Variants in AGO2 observed in about 807,000 individuals in gnomAD.
The protein encoded by AGO2 is protein argonaute-2.
In AGO2, 5 loss-of-function variants were observed where a neutral mutation model predicts 102.3. The ratio of observed to expected loss-of-function variants is 0.05; its 90% CI spans 0.03 to 0.10. The LOEUF is 0.10. Among genes scored for constraint, AGO2 ranks in the 10% least tolerant of loss-of-function variants. The pLI, the probability that AGO2 is intolerant of heterozygous loss-of-function variation, is 1.00. For missense variants in AGO2, 541 were observed against 1,183.7 expected (o/e 0.46, Z 7.97); for synonymous variants, 449 against 473.1 (o/e 0.95, Z 0.66).
At chr8:140,631,536 CAAAAAAAAAA>C (rs778104531) in intron 1 of AGO2, among the ~76,000 whole-genome samples, 1 of 76,344 alleles carries the variant, frequency 1.3e-5, no homozygotes, top group Non-Finnish European at 2.7e-5. Context: ...GACTCCGTCT[CAAAAAAAAAA>C]AAAAGAAAAA....
intron 1 of AGO2, among the ~76,000 whole-genome samples, chr8:140,604,690 G>A (rs544172741): frequency 2.6e-5 from 4 of 152,312 alleles, no homozygotes; most frequent in South Asian, 2.1e-4. Flanking sequence ...AGCCGGGCGT[G>A]GTGGCGGGTG....
intron 14 of AGO2, among the ~76,000 whole-genome samples, chr8:140,542,715 G>A (rs960409292): frequency 2.0e-5 from 3 of 152,242 alleles, no homozygotes; most frequent in Admixed American, 6.5e-5. Flanking sequence ...GCTGTGCTGC[G>A]GGCTTTCCCC....
intron 13 of AGO2, among the ~76,000 whole-genome samples, chr8:140,546,464 C>A (rs1024571613): frequency 6.6e-6 from 1 of 152,236 alleles, no homozygotes; most frequent in Non-Finnish European, 1.5e-5. Context: ...ACTGTGGTGG[C>A]CAAGCACAGG....
At chr8:140,563,309 C>T (rs2073232391) in intron 3 of AGO2, among the ~76,000 whole-genome samples, 1 of 152,204 alleles carries the variant, frequency 6.6e-6, no homozygotes, top group African/African-American at 2.4e-5. Flanking sequence ...TGGCTCACTT[C>T]GACCTTGACC....
At chr8:140,605,094 A>G (rs1359329962) in intron 1 of AGO2, among the ~76,000 whole-genome samples, 2 of 152,184 alleles carry the variant, frequency 1.3e-5, no homozygotes, top group Non-Finnish European at 2.9e-5. Context: ...AAAAAAATAC[A>G]AGTTTTTTTT....
In AGO2 at chr8:140,589,543, G is replaced by A. The variant is rs936903366; in HGVS notation, c.23-4232C>T. Among the ~76,000 whole-genome samples, 6 of 152,192 alleles carry A rather than the reference G, an allele frequency of 3.9e-5. No homozygotes were observed. Among genetic ancestry groups the A allele is most frequent in the African/African-American group, 1.4e-4 (6 of 41,446 alleles). ...TGCCACCCAAATGACATGCAAAGCTGTTTCCAGAGCTCCAAAGTGAGTCAT... is the reference window on the plus strand; with the variant it reads ...TGCCACCCAAATGACATGCAAAGCTATTTCCAGAGCTCCAAAGTGAGTCAT... On this transcript the variant is annotated intron_variant, in intron 1 of 18. Transcript: ENST00000220592. The surrounding 1 kb of genome is among the most constrained non-coding windows in gnomAD (Gnocchi z 4.2).
rs1285433075 is a variant in AGO2 at position 140,547,643 on chromosome 8, G to A, written c.1589-16C>T. 1.2e-6 allele frequency: 2 copies of A among 1,604,382 alleles called. No homozygotes were observed. Among genetic ancestry groups the A allele is most frequent in the Non-Finnish European group, 1.7e-6 (2 of 1,174,380 alleles). ...TTGACCTCGGCTAAGGGACATGAGA[G>A]GCACACACAGCTCTGCCGGCGCCCC... On this transcript the variant is annotated splice_polypyrimidine_tract_variant and intron_variant, in intron 12 of 18. Coordinates refer to ENST00000220592, the MANE Select transcript of AGO2 (RefSeq NM_012154.5).
rs1183889499 is a variant in AGO2, at chr8:140,552,683, C to G, written c.1270-1247G>C. Among the ~76,000 whole-genome samples the G allele has an allele frequency of 5.3e-5, 8 of 152,114 alleles. No individual in the cohort carries two copies. In the East Asian group the frequency reaches 1.5e-3, roughly 29 times the overall value. On this transcript the variant is annotated intron_variant, in intron 10 of 18. Transcript: ENST00000220592. ...GCTCCAGACAGGGAGTGCACACACA[C>G]ACACACACGCATGCACTCACATGCA...
At chr8:140,537,218 TTA>T (rs2132868008) in intron 16 of AGO2, among the ~76,000 whole-genome samples, 1 of 152,244 alleles carries the variant, frequency 6.6e-6, no homozygotes, top group South Asian at 2.1e-4. Context: ...GGTAGAACTT[TTA>T]TAACCCTTCC....
chr8:140,576,935 C>T (rs1447158986), intron 2 of AGO2, among the ~76,000 whole-genome samples: 5 of 152,138 alleles, frequency 3.3e-5, no homozygotes, highest in African/African-American at 4.8e-5. Flanking sequence ...GGGCCAGGCG[C>T]GATGGCTCAC....
intron 1 of AGO2, among the ~76,000 whole-genome samples, chr8:140,620,024 G>A (rs2074197804): frequency 6.6e-6 from 1 of 152,196 alleles, no homozygotes. Flanking sequence ...GATGAAACGG[G>A]CTGGTGCAGG....
intron 1 of AGO2, among the ~76,000 whole-genome samples, chr8:140,615,351 C>T (rs1472134155): frequency 3.3e-5 from 5 of 152,372 alleles, no homozygotes; most frequent in African/African-American, 4.8e-5. Flanking sequence ...GACTCAGCGC[C>T]GAAGGCCCAG....
In AGO2 at chr8:140,619,177, C is replaced by T. The variant is rs552490945; in HGVS notation, c.22+16308G>A. On this transcript the variant is annotated intron_variant, in intron 1 of 18. Coordinates refer to ENST00000220592, the MANE Select transcript of AGO2 (RefSeq NM_012154.5). Reference sequence around the variant, plus strand: ...CTGCCCACACAGTGTATACAAGACACAGCCACCCGCACCTGGCAGCCACTG... The same window carrying T: ...CTGCCCACACAGTGTATACAAGACATAGCCACCCGCACCTGGCAGCCACTG... Among the ~76,000 whole-genome samples the T allele has an allele frequency of 2.6e-5, 4 of 152,296 alleles. No individual in the cohort carries two copies. The East Asian group carries it at 5.8e-4, about 22-fold the overall frequency.
rs555353682 is a variant in AGO2, at chr8:140,536,515, C to T, written c.2170-946G>A. On this transcript the variant is annotated intron_variant, in intron 16 of 18. Transcript: ENST00000220592. ...CTAATTTTTGTATTTTTAGTAGAGA[C>T]GGGGTTTCACTATGTTGGTCAGGCT... is the stretch of plus-strand genomic sequence containing the variant. Among the ~76,000 whole-genome samples, 110 of 151,972 alleles carry T rather than the reference C, an allele frequency of 7.2e-4. 2 individuals are homozygous for T. Among genetic ancestry groups the T allele is most frequent in the African/African-American group, 2.6e-3 (106 of 41,442 alleles).
At chr8:140,549,321 C>T in intron 11 of AGO2, 23 bp from the exon 12 acceptor site, 1 of 1,556,258 alleles carries the variant, frequency 6.4e-7, no homozygotes. Flanking sequence ...GCTCCGTTCA[C>T]TACCGGGCAC....
intron 1 of AGO2, among the ~76,000 whole-genome samples, chr8:140,599,921 C>T (rs573714068): frequency 7.9e-5 from 12 of 152,310 alleles, no homozygotes; most frequent in Admixed American, 2.6e-4. Flanking sequence ...GGGGTTTCAC[C>T]GTGTTGGCCA....
chr8:140,626,119 G>C (rs1209820991), intron 1 of AGO2, among the ~76,000 whole-genome samples: 2 of 5,890 alleles, frequency 3.4e-4, no homozygotes, highest in South Asian at 3.9e-3. Context: ...TCATGGCCCG[G>C]GGGGGCACAG....
intron 1 of AGO2, 110 bp from the exon 2 acceptor site, chr8:140,585,421 CGT>C: frequency 8.0e-7 from 1 of 1,252,486 alleles, no homozygotes; most frequent in East Asian, 2.4e-5. Flanking sequence ...TTTCCATTCA[CGT>C]CCAGGCCAAT....
chr8:140,583,685 C>T (rs974497548), intron 2 of AGO2, among the ~76,000 whole-genome samples: 1 of 151,992 alleles, frequency 6.6e-6, no homozygotes, highest in African/African-American at 2.4e-5. Flanking sequence ...AGTAGCCTGG[C>T]CAATATGGTG....
Sources: gnomAD v4.1 joint callset for allele counts (sites outside exome capture counted in the v4.1 genomes callset) on GRCh38, gnomAD v4.1.1 for gene constraint, Gnocchi (gnomAD v3.1) non-coding constraint, MANE v1.5 for transcripts, NCBI Gene and HGNC (gene_info 2026-07-23, HGNC 2026-07-21) for gene names.